OLFM1: variants seen among roughly 807,000 people sequenced by gnomAD.
OLFM1 encodes the protein noelin.
A neutral mutation model predicts 49.7 loss-of-function variants in OLFM1; 9 were observed. The ratio of observed to expected loss-of-function variants is 0.18; its 90% CI spans 0.11 to 0.32. The LOEUF is 0.32. Ranked by LOEUF, OLFM1 falls within the 10% of genes least tolerant of loss-of-function variation. The pLI is 1.00. For synonymous variants in OLFM1, 240 were observed against 271.8 expected (o/e 0.88, Z 1.15); for missense variants, 369 against 661.8 (o/e 0.56, Z 4.85).
chr9:135,095,796 G>A (rs202070833), intron 2 of OLFM1, 68 bp from the exon 3 acceptor site: 163 of 1,554,398 alleles, frequency 1.0e-4, no homozygotes, highest in Admixed American at 2.9e-4. Flanking sequence ...ATGTCTGTAC[G>A]AGCAGGCAGA....
upstream of OLFM1, chr9:135,087,198 C>T: frequency 7.2e-7 from 1 of 1,392,598 alleles, no homozygotes; most frequent in East Asian, 2.9e-5. Flanking sequence ...AGTCTGGCTG[C>T]TTTTCGGAGC....
chr9:135,091,197 C>A (rs563710363), intron 2 of OLFM1, among the ~76,000 whole-genome samples: 12 of 152,346 alleles, frequency 7.9e-5, no homozygotes, highest in Middle Eastern at 3.4e-3. Flanking sequence ...TCCTAATGGG[C>A]ACAGCCCACC....
intron 4 of OLFM1, among the ~76,000 whole-genome samples, chr9:135,101,827 C>T (rs1830874674): frequency 6.6e-6 from 1 of 152,232 alleles, no homozygotes; most frequent in Non-Finnish European, 1.5e-5. Flanking sequence ...GTGGCATGTG[C>T]CTGTCAGCTT....
chr9:135,108,947 C>T (rs1830984592), intron 5 of OLFM1, among the ~76,000 whole-genome samples: 1 of 152,126 alleles, frequency 6.6e-6, no homozygotes, highest in Non-Finnish European at 1.5e-5. Context: ...AAGTGCCCTT[C>T]CCACACCTCC....
In OLFM1 at chr9:135,110,609, G is replaced by A. The variant is rs545939282; in HGVS notation, c.783+3754G>A. Among the ~76,000 whole-genome samples the A allele has an allele frequency of 2.8e-4, 43 of 152,218 alleles. No homozygotes were observed. In the South Asian group the frequency reaches 3.5e-3, roughly 13 times the overall value. On this transcript the variant is annotated intron_variant, in intron 5 of 5. Coordinates refer to ENST00000371793, the MANE Select transcript of OLFM1 (RefSeq NM_001282611.2). ...TGTGGGTGCAGGCAGTGATCCGCCCGCCGCCAGTGGTGCAATAAACATCAA... is the reference window on the plus strand; with the variant it reads ...TGTGGGTGCAGGCAGTGATCCGCCCACCGCCAGTGGTGCAATAAACATCAA...
At position 135,120,125 on chromosome 9, in the gene OLFM1, C is replaced by T. The variant is rs1831167008; in HGVS notation, c.1405C>T (p.Gln469Ter). The T allele has an allele frequency of 6.2e-7, 1 of 1,613,914 alleles. No homozygotes were observed. Among genetic ancestry groups the T allele is most frequent in the Non-Finnish European group, 8.5e-7 (1 of 1,180,004 alleles). ...CCTGTATGCCTGGAACAACGGCCAC[C>T]AGATCCTCTACAACGTGACCCTCTT... ...RALYAWNNGH[Q>*]ILYNVTLFHV... The change falls in exon 6 of 6, where the codon CAG (glutamine) becomes TAG (stop). Residue 469 changes from glutamine to a stop codon, truncating the protein, a stop_gained. Coordinates refer to ENST00000371793, the MANE Select transcript of OLFM1 (RefSeq NM_001282611.2). LOFTEE classifies it high-confidence loss of function.
At chr9:135,105,185 A>G (rs1830923369) in intron 4 of OLFM1, among the ~76,000 whole-genome samples, 1 of 152,222 alleles carries the variant, frequency 6.6e-6, no homozygotes. Context: ...GAAAGTAGGA[A>G]TGGGGAACTA....
chr9:135,102,206 A>G (rs1241031444), intron 4 of OLFM1, among the ~76,000 whole-genome samples: 1 of 152,022 alleles, frequency 6.6e-6, no homozygotes, highest in African/African-American at 2.4e-5. Flanking sequence ...CATGCCCTAC[A>G]CTCTGTCCTG....
rs1007841120 is a variant in OLFM1, at chr9:135,113,942, G to A, written c.784-5562G>A. On this transcript the variant is annotated intron_variant, in intron 5 of 5. Transcript: ENST00000371793. The surrounding 1 kb of genome is among the most constrained non-coding windows in gnomAD (Gnocchi z 4.0). Reference sequence around the variant, plus strand: ...CTGCGCTCTGAAGATGCCAGGGGAGGACCCTCCTGCCTCGTCTCGTGGCTC... The same window carrying A: ...CTGCGCTCTGAAGATGCCAGGGGAGAACCCTCCTGCCTCGTCTCGTGGCTC... Among the ~76,000 whole-genome samples the A allele has an allele frequency of 5.9e-5, 9 of 152,098 alleles. No homozygotes were observed. Among genetic ancestry groups the A allele is most frequent in the African/African-American group, 2.2e-4 (9 of 41,434 alleles).
chr9:135,078,525 G>T (rs961336021), intron 1 of OLFM1, among the ~76,000 whole-genome samples: 2 of 152,256 alleles, frequency 1.3e-5, no homozygotes, highest in African/African-American at 4.8e-5. Flanking sequence ...GACACGCAAG[G>T]CTGTGGGGCC....
rs1830663730 is a variant in OLFM1 at position 135,090,218 on chromosome 9, G to A, written c.174G>A (p.Glu58=). ...STGVLPTNPE[E]SWQVYSSAQD... ...AGGTGCTGCCCACCAACCCTGAGGA[G>A]AGCTGGCAGGTGTACAGCTCTGCCC... Residue 58 remains glutamate, a synonymous_variant, in exon 2 of 6, where the codon GAG becomes GAA. Transcript: ENST00000371793. 6 of 1,612,928 alleles carry A rather than the reference G, an allele frequency of 3.7e-6. No homozygotes were observed. The highest frequency in any genetic ancestry group is 5.1e-6 in the Non-Finnish European group (6 of 1,179,182).
At chr9:135,085,623 C>A (rs1293946013), upstream of OLFM1, among the ~76,000 whole-genome samples, 1 of 152,258 alleles carries the variant, frequency 6.6e-6, no homozygotes, top group Non-Finnish European at 1.5e-5. Context: ...GTGTGATGAG[C>A]CCTGGCTTTA....
At position 135,088,067 on chromosome 9, in the gene OLFM1, G is replaced by T; in HGVS notation, c.78G>T (p.Leu26=). The stretch of plus-strand genomic sequence containing the variant: ...TCACTAACTGGATGTCCCAGACGCT[G>T]CCCTCGCTGGTGGGCCTCAACACCA... The part of the protein sequence containing the change: ...AMITNWMSQT[L]PSLVGLNTTK... The change falls in exon 1 of 6, where the codon CTG becomes CTT. Residue 26 remains leucine, a synonymous_variant. Coordinates refer to ENST00000371793, the MANE Select transcript of OLFM1 (RefSeq NM_001282611.2). The surrounding 1 kb of genome is among the most constrained non-coding windows in gnomAD (Gnocchi z 4.8). 6.9e-7 allele frequency: 1 copy of T among 1,449,788 alleles called. No individual in the cohort carries two copies. The highest frequency in any genetic ancestry group is 1.9e-4 in the Middle Eastern group (1 of 5,312). 89.8% of individuals were successfully genotyped at this position (1,449,788 alleles called of 1,614,324 possible).
intron 3 of OLFM1, among the ~76,000 whole-genome samples, chr9:135,096,753 CA>C (rs2119116417): frequency 6.6e-6 from 1 of 152,328 alleles, no homozygotes; most frequent in African/African-American, 2.4e-5. Context: ...AGGAATCTCT[CA>C]GGGCAGTTTT....
intron 2 of OLFM1, among the ~76,000 whole-genome samples, chr9:135,093,110 G>T (rs958556382): frequency 7.2e-5 from 11 of 152,198 alleles, no homozygotes; most frequent in African/African-American, 2.2e-4. Context: ...ACCTGGTGAG[G>T]CTGCAAGGTA....
chr9:135,120,036 A>G lies in OLFM1; in HGVS notation c.1316A>G (p.Asp439Gly). Residue 439 changes from aspartate (D) to glycine (G), a missense_variant, in exon 6 of 6, where the codon GAC (aspartate) becomes GGC (glycine). This residue lies in a region of OLFM1 where 294 missense variants were observed against 567.5 expected (regional missense o/e 0.52). Transcript: ENST00000371793. Reference sequence around the variant, plus strand: ...AATGCCTCCACCTATGAATACATCGACATCCCATTCCAGAACAAATACTCC... The same window carrying G: ...AATGCCTCCACCTATGAATACATCGGCATCCCATTCCAGAACAAATACTCC... ...QTNASTYEYI[D>G]IPFQNKYSHI... 1 of 1,613,970 alleles carries G rather than the reference A, an allele frequency of 6.2e-7. No homozygotes were observed. Among genetic ancestry groups the G allele is most frequent in the Non-Finnish European group, 8.5e-7 (1 of 1,180,020 alleles).
rs747798142 is a variant in OLFM1, at chr9:135,113,219, G to A, written c.784-6285G>A. 2.0e-5 allele frequency among the ~76,000 whole-genome samples: 3 copies of A among 152,060 alleles called. No homozygotes were observed. Among genetic ancestry groups the A allele is most frequent in the Non-Finnish European group, 4.4e-5 (3 of 68,016 alleles). ...GACTCTGTGGAGGGATGGGTGTCAC[G>A]GCCTGTCTTGCTGCATCCTGGGCTA... On this transcript the variant is annotated intron_variant, in intron 5 of 5. Transcript: ENST00000371793. This position sits in a 1 kb window ranked among gnomAD's most constrained non-coding sequence, Gnocchi z 4.0.
At chr9:135,092,978 G>A (rs1054471733) in intron 2 of OLFM1, among the ~76,000 whole-genome samples, 1 of 152,088 alleles carries the variant, frequency 6.6e-6, no homozygotes, top group African/African-American at 2.4e-5. Flanking sequence ...CTCTTCATGG[G>A]CAGAAGCAGG....
chr9:135,078,959 G>A lies in OLFM1; in HGVS notation c.96+3157G>A, dbSNP rs1830500331. ...AGGAGGATTAAACAAGATGATTCTT[G>A]AGTAAAATCCCTTCCTGCTACAGAC... On this transcript the variant is annotated intron_variant, in intron 1 of 5. Transcript: ENST00000252854. Among the ~76,000 whole-genome samples the A allele has an allele frequency of 2.6e-5, 4 of 152,142 alleles. No homozygotes were observed. The South Asian group carries it at 8.3e-4, about 32-fold the overall frequency.
Sources: gnomAD v4.1 joint callset for allele counts (sites outside exome capture counted in the v4.1 genomes callset) on GRCh38, gnomAD v4.1.1 for gene constraint, gnomAD v4.1.1 regional missense constraint, Gnocchi (gnomAD v3.1) non-coding constraint, MANE v1.5 for transcripts, NCBI Gene and HGNC (gene_info 2026-07-23, HGNC 2026-07-21) for gene names.